The following REV3L variants were observed in gnomAD, a reference collection of about 807,000 sequenced individuals.
REV3L encodes the protein DNA polymerase zeta catalytic subunit.
REV3L carries 69 observed loss-of-function variants against 299.4 expected under a neutral mutation model. That is an observed-to-expected ratio of 0.23 (90% CI 0.19 to 0.28). REV3L has a LOEUF of 0.28. Among genes scored for constraint, REV3L ranks in the 10% least tolerant of loss-of-function variants. The pLI is 1.00. For synonymous variants in REV3L, 1,238 were observed against 1,271.4 expected, an observed-to-expected ratio of 0.97 and a Z score of 0.56; for missense variants, 3,128 against 3,693.8, an observed-to-expected ratio of 0.85 and a Z score of 3.97.
chr6:111,478,764 G>A (rs1476549665), intron 1 of REV3L, among the ~76,000 whole-genome samples: 1 of 152,000 alleles, frequency 6.6e-6, no homozygotes, highest in Non-Finnish European at 1.5e-5. Flanking sequence ...AATTCCTTAT[G>A]TTGAAAAGCT....
upstream of REV3L, chr6:111,483,373 C>G (rs1158193994): frequency 2.1e-6 from 1 of 478,388 alleles, no homozygotes; most frequent in Non-Finnish European, 3.7e-6. Context: ...CTTTCTCCCC[C>G]TCCCCGGGCA....
At chr6:111,308,466 T>G (rs1772587892) in intron 30 of REV3L, among the ~76,000 whole-genome samples, 1 of 152,216 alleles carries the variant, frequency 6.6e-6, no homozygotes, top group Non-Finnish European at 1.5e-5. Flanking sequence ...TATTGAATAC[T>G]GTACCAAAAA....
chr6:111,357,376 C>A (rs778345554), intron 17 of REV3L, among the ~76,000 whole-genome samples: 1 of 152,096 alleles, frequency 6.6e-6, no homozygotes, highest in Non-Finnish European at 1.5e-5. Context: ...GAAAAGGCTG[C>A]ATTCATAAAA....
At chr6:111,424,255 A>G (rs769246238) in intron 1 of REV3L, among the ~76,000 whole-genome samples, 3 of 152,232 alleles carry the variant, frequency 2.0e-5, no homozygotes, top group Non-Finnish European at 4.4e-5. Context: ...CCAAGGATCC[A>G]GTGGAAATAT....
rs1012828792 is a variant in REV3L, at chr6:111,315,130, A to G, written c.8466+137T>C. ...CTCCCGAAGTGCCAGGATTACAGAC[A>G]TGAGCCAGTGACCCAAATTTAACAC... On this transcript the variant is annotated intron_variant, in intron 27 of 31. Coordinates refer to ENST00000368802, the MANE Select transcript of REV3L (RefSeq NM_001372078.1). 5 of 682,574 alleles carry G rather than the reference A, an allele frequency of 7.3e-6. No individual in the cohort carries two copies. In the South Asian group the frequency reaches 1.0e-4, roughly 14 times the overall value. The allele number at this position is 682,574 out of a possible 1,614,324, so 42.3% of individuals were successfully genotyped here.
At chr6:111,431,667 A>T (rs1158286747) in intron 1 of REV3L, 1 of 937,326 alleles carries the variant, frequency 1.1e-6, no homozygotes, top group Admixed American at 1.8e-5. Context: ...GAGTTTGAAA[A>T]GCAATGGGGA....
chr6:111,441,832 A>G (rs1788296142), intron 1 of REV3L, among the ~76,000 whole-genome samples: 1 of 152,248 alleles, frequency 6.6e-6, no homozygotes, highest in South Asian at 2.1e-4. Context: ...ATCTTCTGTT[A>G]TTATACAGGA....
intron 18 of REV3L, among the ~76,000 whole-genome samples, chr6:111,352,068 AT>A (rs1296910593): frequency 1.3e-5 from 2 of 151,296 alleles, no homozygotes. Context: ...TTGCAGTGGC[AT>A]GATGTTAGCT....
At position 111,470,339 on chromosome 6, in the gene REV3L, T is replaced by A. The variant is rs537211418; in HGVS notation, c.139+12411A>T. Among the ~76,000 whole-genome samples, 9 of 152,352 alleles carry A rather than the reference T, an allele frequency of 5.9e-5. No individual in the cohort carries two copies. The South Asian group carries it at 1.4e-3, about 25-fold the overall frequency. The stretch of plus-strand genomic sequence containing the variant: ...CTGTTTCTTCTGTTTAAGTGGGTAA[T>A]GGCCTAATACATGTTTTCTCATTTA... On this transcript the variant is annotated intron_variant, in intron 1 of 31. Transcript: ENST00000368802.
chr6:111,313,316 T>C, intron 28 of REV3L, 36 bp downstream of exon 28: 1 of 1,580,620 alleles, frequency 6.3e-7, no homozygotes, highest in Non-Finnish European at 8.6e-7. Flanking sequence ...TAGCCACTTA[T>C]TTCTTACAGA....
chr6:111,380,306 T>C (rs1780701783), intron 10 of REV3L, 87 bp from the exon 11 acceptor site: 1 of 969,280 alleles, frequency 1.0e-6, no homozygotes, highest in African/African-American at 1.6e-5. Context: ...CAGGCTGGAG[T>C]TGGAGTGCAG....
At position 111,372,953 on chromosome 6, in the gene REV3L, C is replaced by G; in HGVS notation, c.5402G>C (p.Gly1801Ala). Residue 1801 changes from glycine (G) to alanine (A), a missense_variant, in exon 13 of 32, where the codon GGT becomes GCT. By Grantham distance (60) the Gly-to-Ala change is moderately conservative. Coordinates refer to ENST00000368802, the MANE Select transcript of REV3L (RefSeq NM_001372078.1). The stretch of plus-strand genomic sequence containing the variant: ...CTGTCCCATTTCTTTTCTGGTGTGA[C>G]CTTGAATCCAGTCTGAATTGTTTGG... ...PQPNNSDWIQ[G>A]HTRKEMGQSL... is the part of the protein sequence containing the mutation. The G allele has an allele frequency of 6.2e-7, 1 of 1,614,064 alleles. No individual in the cohort carries two copies.
intron 13 of REV3L, among the ~76,000 whole-genome samples, chr6:111,370,219 A>C (rs559177779): frequency 2.0e-5 from 3 of 152,242 alleles, no homozygotes; most frequent in Non-Finnish European, 2.9e-5. Context: ...CAATAACAAC[A>C]ACACAAAGGT....
At chr6:111,381,587 C>T (rs1238482438) in intron 9 of REV3L, 143 bp from the exon 10 acceptor site, 1 of 660,054 alleles carries the variant, frequency 1.5e-6, no homozygotes, top group Non-Finnish European at 2.5e-6. Flanking sequence ...CAAATAAAAA[C>T]ATAATAAAAA....
intron 1 of REV3L, among the ~76,000 whole-genome samples, chr6:111,470,859 A>C: frequency 6.6e-6 from 1 of 152,156 alleles, no homozygotes; most frequent in East Asian, 1.9e-4. Context: ...ACGTGGCTGT[A>C]ATTCCAGCTA....
chr6:111,314,857 T>TG (rs1320715275), intron 27 of REV3L, among the ~76,000 whole-genome samples: 1 of 151,534 alleles, frequency 6.6e-6, no homozygotes, highest in East Asian at 1.9e-4. Flanking sequence ...TACTTTTTTT[T>TG]TTTTTTTTTT....
In REV3L at chr6:111,395,336, T is replaced by C. The variant is rs540244903; in HGVS notation, c.566-2364A>G. Among the ~76,000 whole-genome samples, 48 of 152,344 alleles carry C rather than the reference T, an allele frequency of 3.2e-4. 1 individual carries two copies. The South Asian group carries it at 9.3e-3, about 30-fold the overall frequency. ...TAACAATATTAATGTTTCTGATCCATGAACATGGGATGTCTCCCATTTGTC... is the reference window on the plus strand; with the variant it reads ...TAACAATATTAATGTTTCTGATCCACGAACATGGGATGTCTCCCATTTGTC... On this transcript the variant is annotated intron_variant, in intron 4 of 31. Coordinates refer to ENST00000368802, the MANE Select transcript of REV3L (RefSeq NM_001372078.1).
At chr6:111,334,477 T>C (rs1164313964) in intron 22 of REV3L, among the ~76,000 whole-genome samples, 5 of 151,932 alleles carry the variant, frequency 3.3e-5, no homozygotes, top group Admixed American at 6.6e-5. Flanking sequence ...GTTGTGGAAA[T>C]AATTAAAAAA....
At chr6:111,366,418 G>A (rs914000609) in intron 14 of REV3L, among the ~76,000 whole-genome samples, 1 of 152,064 alleles carries the variant, frequency 6.6e-6, no homozygotes, top group African/African-American at 2.4e-5. Context: ...TATAAAGAAG[G>A]CTTAAGACCA....
Sources: allele counts gnomAD v4.1 joint callset (sites outside exome capture counted in the v4.1 genomes callset), GRCh38; gene constraint gnomAD v4.1.1; transcripts MANE v1.5; gene names NCBI Gene and HGNC (gene_info 2026-07-23, HGNC 2026-07-21).